The following ACOT8 variants were observed in gnomAD, a reference collection of about 807,000 sequenced individuals.
ACOT8 encodes the protein acyl-coenzyme A thioesterase 8.
In ACOT8, 31 loss-of-function variants were observed where a neutral mutation model predicts 38.4. That is an observed-to-expected ratio of 0.81 (90% CI 0.61 to 1.09). The LOEUF (loss-of-function observed/expected upper bound fraction) is 1.09. Among genes scored for constraint, ACOT8 ranks in the 50% least tolerant of loss-of-function variants. The pLI, the probability that ACOT8 is intolerant of heterozygous loss-of-function variation, is 0.00. For synonymous variants in ACOT8, 158 were observed against 170.3 expected (o/e 0.93, Z 0.56); for missense variants, 373 against 421.8 (o/e 0.88, Z 1.01).
rs1168550252 is a variant in ACOT8, at chr20:45,857,201, C to T, written c.115G>A (p.Glu39Lys). Residue 39 changes from glutamate to lysine, a missense_variant, in exon 1 of 6, where the codon GAG becomes AAG. Glu to Lys is a moderately conservative substitution (Grantham distance 56). Transcript: ENST00000217455. ...TTVLNLEPLD[E>K]DLFRGRHYWV... ...GCTGCCGGCTACCTGAAGAGATCCT[C>T]GTCCAGCGGCTCGAGGTTGAGCACG... is the stretch of plus-strand genomic sequence containing the variant. The T allele has an allele frequency of 7.4e-6, 12 of 1,613,224 alleles. No homozygotes were observed. The Admixed American group carries it at 1.5e-4, about 20-fold the overall frequency.
intron 1 of ACOT8, 26 bp downstream of exon 1, chr20:45,857,162 G>A: frequency 6.2e-7 from 1 of 1,604,642 alleles, no homozygotes; most frequent in East Asian, 2.2e-5. Flanking sequence ...TAAAGGAGGG[G>A]ATGCTGGGCA....
chr20:45,856,645 A>G (rs1170357923), intron 1 of ACOT8, among the ~76,000 whole-genome samples: 1 of 152,226 alleles, frequency 6.6e-6, no homozygotes, highest in Admixed American at 6.5e-5. Flanking sequence ...GCACCACTGC[A>G]CTCCAGCCTG....
chr20:45,845,382 G>A (rs908030268), intron 3 of ACOT8, among the ~76,000 whole-genome samples: 7 of 151,550 alleles, frequency 4.6e-5, no homozygotes, highest in Non-Finnish European at 8.8e-5. Flanking sequence ...TTTTTGTAGA[G>A]ATGGGGTCTC....
At chr20:45,845,383 A>G (rs1161734490) in intron 3 of ACOT8, among the ~76,000 whole-genome samples, 8 of 151,400 alleles carry the variant, frequency 5.3e-5, no homozygotes, top group African/African-American at 1.9e-4. Flanking sequence ...TTTTGTAGAG[A>G]TGGGGTCTCT....
chr20:45,847,576 C>T (rs916956377), intron 3 of ACOT8: 3 of 149,532 alleles, frequency 2.0e-5, no homozygotes, highest in African/African-American at 7.4e-5. Context: ...ACTAAAAATA[C>T]AAAATTAGCT....
rs1298627271 is a variant in ACOT8, at chr20:45,854,833, A to G, written c.262+326T>C. ...ACCTCTAGCACAGAGGTCACAGCAC[A>G]CTGAGAACCTAGCACAGCGCTCCGC... On this transcript the variant is annotated intron_variant, in intron 2 of 5. Transcript: ENST00000217455. Among the ~76,000 whole-genome samples the G allele has an allele frequency of 2.0e-5, 3 of 152,080 alleles. No homozygotes were observed. In the East Asian group the frequency reaches 5.8e-4, roughly 29 times the overall value.
Position 45,841,775 on chromosome 20 carries a change from C to T in ACOT8, c.*63G>A. 6.6e-7 allele frequency: 1 copy of T among 1,506,506 alleles called. No individual in the cohort carries two copies. Among genetic ancestry groups the T allele is most frequent in the Non-Finnish European group, 8.8e-7 (1 of 1,135,558 alleles). The allele number at this position is 1,506,506 out of a possible 1,614,324, so 93.3% of individuals were successfully genotyped here. A position where few individuals can be genotyped will look rare whatever the true frequency, so the allele number is the denominator to read the frequency against. On this transcript the variant is annotated 3_prime_UTR_variant, in exon 6 of 6. Coordinates refer to ENST00000217455, the MANE Select transcript of ACOT8 (RefSeq NM_005469.4). ...TGAGGGCCAAAAGGGACTGTAACTC[C>T]TGTCTCAGGAATGGGGATAGATGGG...
At chr20:45,854,270 C>T (rs1336912873) in intron 2 of ACOT8, among the ~76,000 whole-genome samples, 1 of 152,172 alleles carries the variant, frequency 6.6e-6, no homozygotes, top group East Asian at 1.9e-4. Context: ...AGTGCAGTGG[C>T]ACGATCTTGG....
At chr20:45,843,300 G>A (rs1984393159) in intron 5 of ACOT8, 1 of 728,016 alleles carries the variant, frequency 1.4e-6, no homozygotes, top group Admixed American at 2.1e-5. Context: ...CTGGGTCCCT[G>A]GGAGAAGGTG....
chr20:45,843,807 C>A (rs1323133349), intron 4 of ACOT8, 86 bp from the exon 5 acceptor site: 19 of 1,543,156 alleles, frequency 1.2e-5, no homozygotes, highest in Non-Finnish European at 1.7e-5. Flanking sequence ...GACTCCCGTG[C>A]ATGGGTGTGC....
chr20:45,855,516 GC>G (rs1232843269), intron 1 of ACOT8, among the ~76,000 whole-genome samples: 1 of 152,196 alleles, frequency 6.6e-6, no homozygotes, highest in Non-Finnish European at 1.5e-5. Context: ...ACTTTGGGAG[GC>G]CGAGGCAGGT....
At chr20:45,852,124 TC>T (rs1985102807) in intron 2 of ACOT8, among the ~76,000 whole-genome samples, 1 of 151,894 alleles carries the variant, frequency 6.6e-6, no homozygotes, top group Non-Finnish European at 1.5e-5. Context: ...AGCCTCAGCC[TC>T]CCGAGTAGCT....
intron 5 of ACOT8, 136 bp downstream of exon 5, chr20:45,843,391 G>A: frequency 8.5e-7 from 1 of 1,173,340 alleles, no homozygotes. Flanking sequence ...AGATGAAGAT[G>A]CCAAAGCCTG....
rs531858397 is a variant in ACOT8 at position 45,857,369 on chromosome 20, T to G, written c.-54A>C. Reference sequence around the variant, plus strand: ...CCGCTCCGCGGAAGACGCGGAGACATACACAGAACCTGACTCTTCCGGCAG... The same window carrying G: ...CCGCTCCGCGGAAGACGCGGAGACAGACACAGAACCTGACTCTTCCGGCAG... On this transcript the variant is annotated 5_prime_UTR_variant, in exon 1 of 6. An upstream start codon of the reference 5' UTR is lost. Coordinates refer to ENST00000217455, the MANE Select transcript of ACOT8 (RefSeq NM_005469.4). 5.8e-6 allele frequency: 9 copies of G among 1,546,728 alleles called. No individual in the cohort carries two copies. Among genetic ancestry groups the G allele is most frequent in the Non-Finnish European group, 6.1e-6 (7 of 1,146,960 alleles).
In ACOT8 at chr20:45,855,244, G is replaced by C; in HGVS notation, c.177C>G (p.Ile59Met). The C allele has an allele frequency of 1.2e-6, 2 of 1,614,126 alleles. No homozygotes were observed. Among genetic ancestry groups the C allele is most frequent in the Non-Finnish European group, 1.7e-6 (2 of 1,180,038 alleles). The change falls in exon 2 of 6, where the codon ATC (isoleucine) becomes ATG (methionine). Residue 59 changes from isoleucine to methionine, a missense_variant. Physicochemically the swap from Ile to Met is conservative, Grantham distance 10 (BLOSUM62 1). Transcript: ENST00000217455. ...VPAKRLFGGQ[I>M]VGQALVAAAK... ...CTGCAGCCACCAGGGCCTGGCCCAC[G>C]ATCTGACCACCAAACAGCCTCTTGG...
intron 2 of ACOT8, chr20:45,853,916 C>T: frequency 7.7e-7 from 1 of 1,303,386 alleles, no homozygotes; most frequent in South Asian, 1.2e-5. Flanking sequence ...TAATACAAAT[C>T]ACATACTGTA....
rs756482650 is a variant in ACOT8 at position 45,841,961 on chromosome 20, G to A, written c.842-5C>T. 6.2e-6 allele frequency: 10 copies of A among 1,612,996 alleles called. No homozygotes were observed. The East Asian group carries it at 1.8e-4, about 29-fold the overall frequency. ...GGACCAGCCCCCGAGAGCCACCTGT[G>A]GGTGAGGTGAAGGGTGATGATGGCC... On this transcript the variant is annotated splice_region_variant and splice_polypyrimidine_tract_variant and intron_variant, in intron 5 of 5. Coordinates refer to ENST00000217455, the MANE Select transcript of ACOT8 (RefSeq NM_005469.4).
In ACOT8 at chr20:45,841,927, GC is replaced by G. The variant is rs763391361; in HGVS notation, c.870del (p.Leu291CysfsTer8). On this transcript the variant is annotated frameshift_variant, in exon 6 of 6. Transcript: ENST00000217455. LOFTEE classifies it high-confidence loss of function. The stretch of plus-strand genomic sequence containing the variant: ...GCTAGGACTCCATCCTGACGCCACA[GC>G]CGCCCATGGACCAGCCCCCGAGAGC... ...AGGSRGLVHGRLWRQDGVLAV... is the reference protein window; with the variant it reads ...AGGSRGLVHGXLWRQDGVLAV... 6.2e-7 allele frequency: 1 copy of G among 1,613,154 alleles called. No homozygotes were observed. Among genetic ancestry groups the G allele is most frequent in the South Asian group, 1.1e-5 (1 of 90,990 alleles).
chr20:45,852,528 C>T (rs78448419), intron 2 of ACOT8, among the ~76,000 whole-genome samples: 7,750 of 152,130 alleles, frequency 0.051, 231 homozygotes, highest in South Asian at 0.1. Context: ...AGTCACACCA[C>T]AAACAGATAA....
Sources: gnomAD v4.1 joint callset for allele counts (sites outside exome capture counted in the v4.1 genomes callset) on GRCh38, gnomAD v4.1.1 for gene constraint, MANE v1.5 for transcripts, NCBI Gene and HGNC (gene_info 2026-07-23, HGNC 2026-07-21) for gene names.